The following FOXP1 variants were observed in gnomAD, a reference collection of about 807,000 sequenced individuals.
The protein encoded by FOXP1 is forkhead box protein P1.
In FOXP1, 15 loss-of-function variants were observed where a neutral mutation model predicts 98.2. The observed-to-expected ratio is 0.15, with a 90% confidence interval of 0.10 to 0.24. The LOEUF (loss-of-function observed/expected upper bound fraction) is 0.24, where lower values mean the gene tolerates loss of function less well. Among genes scored for constraint, FOXP1 ranks in the 10% least tolerant of loss-of-function variants. The pLI is 1.00. For synonymous variants in FOXP1, 371 were observed against 314.5 expected, an observed-to-expected ratio of 1.18 and a Z score of -1.90; for missense variants, 633 against 848.5, an observed-to-expected ratio of 0.75 and a Z score of 3.15.
intron 2 of FOXP1, among the ~76,000 whole-genome samples, chr3:71,560,602 T>C (rs2046461243): frequency 6.6e-6 from 1 of 152,272 alleles, no homozygotes; most frequent in South Asian, 2.1e-4. Flanking sequence ...AAAATATGTA[T>C]ATAAATGTTC....
At chr3:71,053,101 G>A (rs959760116) in intron 8 of FOXP1, among the ~76,000 whole-genome samples, 7 of 152,192 alleles carry the variant, frequency 4.6e-5, no homozygotes, top group African/African-American at 1.7e-4. Context: ...TCAGGTGGCT[G>A]TGAAGTCTGA....
At chr3:71,098,469 C>T (rs1460989286) in intron 7 of FOXP1, among the ~76,000 whole-genome samples, 4 of 152,100 alleles carry the variant, frequency 2.6e-5, no homozygotes. Context: ...TTCATCAACC[C>T]AATGAAAGAT....
chr3:71,478,241 C>A (rs1316575026), intron 3 of FOXP1, among the ~76,000 whole-genome samples: 1 of 152,146 alleles, frequency 6.6e-6, no homozygotes, highest in African/African-American at 2.4e-5. Context: ...CAACCTTCAG[C>A]CCCCTACATA....
At chr3:71,319,348 T>C (rs929679232) in intron 4 of FOXP1, among the ~76,000 whole-genome samples, 1 of 152,170 alleles carries the variant, frequency 6.6e-6, no homozygotes, top group African/African-American at 2.4e-5. Flanking sequence ...TGCTGTGTGC[T>C]TTCATTTGCC....
intron 5 of FOXP1, among the ~76,000 whole-genome samples, chr3:71,282,740 C>A (rs1165239929): frequency 6.6e-6 from 1 of 152,188 alleles, no homozygotes; most frequent in Non-Finnish European, 1.5e-5. Flanking sequence ...TTTGTATCAT[C>A]TTCACAGCAT....
intron 4 of FOXP1, among the ~76,000 whole-genome samples, chr3:71,345,149 G>A (rs891686478): frequency 1.3e-5 from 2 of 152,106 alleles, no homozygotes; most frequent in African/African-American, 2.4e-5. Flanking sequence ...CAGCACTTTG[G>A]GAGGCCAAGG....
At chr3:70,984,109 T>C (rs574467069) in intron 14 of FOXP1, among the ~76,000 whole-genome samples, 1 of 152,364 alleles carries the variant, frequency 6.6e-6, no homozygotes, top group African/African-American at 2.4e-5. Flanking sequence ...ATTCTAAATG[T>C]AAGAACTGCT....
chr3:71,345,011 C>T (rs1238276955), intron 4 of FOXP1, among the ~76,000 whole-genome samples: 1 of 152,078 alleles, frequency 6.6e-6, no homozygotes, highest in Non-Finnish European at 1.5e-5. Context: ...GTTTATAAGC[C>T]TTGGTGTCCC....
intron 2 of FOXP1, among the ~76,000 whole-genome samples, chr3:71,517,567 A>G (rs2042674282): frequency 6.6e-6 from 1 of 152,202 alleles, no homozygotes; most frequent in South Asian, 2.1e-4. Context: ...TTTTCATCCA[A>G]TCCTTCCCAG....
chr3:71,092,553 A>G lies in FOXP1; in HGVS notation c.282+19983T>C, dbSNP rs2055993327. 3.9e-5 allele frequency among the ~76,000 whole-genome samples: 6 copies of G among 152,182 alleles called. No homozygotes were observed. The South Asian group carries it at 1.2e-3, about 32-fold the overall frequency. ...TCTGTGGAACCGAAGCAAACCTTAG[A>G]TGGAAGGAAACTTTCAGAGGAAATG... is the stretch of plus-strand genomic sequence containing the variant. On this transcript the variant is annotated intron_variant, in intron 7 of 20. Transcript: ENST00000649528.
intron 14 of FOXP1, 23 bp from the exon 15 acceptor site, chr3:70,978,052 TTAGAAGACCTTC>T: frequency 6.2e-7 from 1 of 1,607,096 alleles, no homozygotes. Context: ...AAACAACGTC[TTAGAAGACCTTC>T]AGAAAACCAG....
Position 71,406,405 on chromosome 3 carries a change from G to GTATATATA in FOXP1, c.-167-47169_-167-47162dup, listed in dbSNP as rs60423991. The stretch of plus-strand genomic sequence containing the variant: ...TAATTGACACATAATAACTGTATGT[G>GTATATATA]TATATATATATATATATATGGTACA... On this transcript the variant is annotated intron_variant, in intron 3 of 20. Transcript: ENST00000649528. Among the ~76,000 whole-genome samples, 294 of 105,780 alleles carry GTATATATA rather than the reference G, an allele frequency of 2.8e-3. 21 individuals are homozygous for GTATATATA. Among genetic ancestry groups the GTATATATA allele is most frequent in the Middle Eastern group, 5.3e-3 (1 of 188 alleles). 69.4% of individuals were successfully genotyped at this position (105,780 alleles called of 152,430 possible).
chr3:71,207,146 T>G (rs994350694), intron 5 of FOXP1, among the ~76,000 whole-genome samples: 5 of 152,024 alleles, frequency 3.3e-5, no homozygotes, highest in Non-Finnish European at 5.9e-5. Flanking sequence ...GTTTGAGAAC[T>G]AACAAAGCCC....
At chr3:71,480,584 T>C (rs924511167) in intron 3 of FOXP1, among the ~76,000 whole-genome samples, 109 of 152,208 alleles carry the variant, frequency 7.2e-4, no homozygotes, top group Non-Finnish European at 8.4e-4. Flanking sequence ...CATATCTCTA[T>C]GACTATTGGT....
intron 10 of FOXP1, among the ~76,000 whole-genome samples, chr3:71,044,525 G>GA (rs1224179047): frequency 2.6e-5 from 4 of 151,802 alleles, no homozygotes; most frequent in African/African-American, 4.8e-5. Context: ...AACCTTCAGG[G>GA]AAAAAAAGGC....
intron 3 of FOXP1, among the ~76,000 whole-genome samples, chr3:71,441,006 TC>T (rs1333396509): frequency 6.6e-6 from 1 of 152,252 alleles, no homozygotes; most frequent in African/African-American, 2.4e-5. Flanking sequence ...TTAGGAATTC[TC>T]TTTTTCTGTC....
intron 3 of FOXP1, among the ~76,000 whole-genome samples, chr3:71,434,622 A>G: frequency 7.5e-6 from 1 of 133,824 alleles, no homozygotes; most frequent in Non-Finnish European, 1.6e-5. Context: ...GACCCTCATG[A>G]GGGGATGGGG....
At chr3:70,970,424 T>C in intron 19 of FOXP1, 2 of 405,648 alleles carry the variant, frequency 4.9e-6, no homozygotes, top group Non-Finnish European at 9.3e-6. Context: ...TGTGCTAGAG[T>C]AATTACACTT....
At chr3:71,386,461 C>T (rs935338982) in intron 3 of FOXP1, among the ~76,000 whole-genome samples, 3 of 152,102 alleles carry the variant, frequency 2.0e-5, no homozygotes, top group African/African-American at 7.2e-5. Context: ...AATAGAATCA[C>T]GCCCTGTGCG....
Sources: allele counts gnomAD v4.1 joint callset (sites outside exome capture counted in the v4.1 genomes callset), GRCh38; gene constraint gnomAD v4.1.1; transcripts MANE v1.5; gene names NCBI Gene and HGNC (gene_info 2026-07-23, HGNC 2026-07-21).